RAB27B: variants seen among roughly 807,000 people sequenced by gnomAD.
The protein encoded by RAB27B is RAB27B, member RAS oncogene family.
RAB27B carries 15 observed loss-of-function variants against 24.6 expected under a neutral mutation model. The observed-to-expected ratio is 0.61, with a 90% CI of 0.41 to 0.94. The LOEUF (loss-of-function observed/expected upper bound fraction) is 0.94, where lower values mean the gene tolerates loss of function less well. Ranked by LOEUF, RAB27B falls within the 40% of genes least tolerant of loss-of-function variation. The probability of loss-of-function intolerance (pLI) is 0.00; values close to 1 mark genes in which losing one functional copy is unlikely to be tolerated. For synonymous variants in RAB27B, 105 were observed against 92.5 expected (o/e 1.14, Z -0.78); for missense variants, 261 against 266.8 (o/e 0.98, Z 0.15).
chr18:54,718,788 TG>T (rs1394433572), intron 2 of RAB27B, among the ~76,000 whole-genome samples: 1 of 152,228 alleles, frequency 6.6e-6, no homozygotes, highest in African/African-American at 2.4e-5. Flanking sequence ...CAAATGATTA[TG>T]ATTTTATGGG....
At chr18:54,863,739 G>A (rs1912099256) in intron 1 of RAB27B, among the ~76,000 whole-genome samples, 1 of 152,108 alleles carries the variant, frequency 6.6e-6, no homozygotes, top group African/African-American at 2.4e-5. Context: ...TCTATTCTGG[G>A]TATTTCATAT....
chr18:54,888,168 C>T (rs747210126), intron 5 of RAB27B, 50 bp downstream of exon 5: 3 of 1,583,778 alleles, frequency 1.9e-6, no homozygotes, highest in Non-Finnish European at 2.6e-6. Flanking sequence ...TGCTGTTCAG[C>T]AAATGGAGCA....
intron 2 of RAB27B, among the ~76,000 whole-genome samples, chr18:54,766,116 A>G (rs1598888355): frequency 6.6e-6 from 1 of 152,194 alleles, no homozygotes; most frequent in South Asian, 2.1e-4. Context: ...CCTGGAGTTC[A>G]GTCTTAGATT....
intron 1 of RAB27B, among the ~76,000 whole-genome samples, chr18:54,856,756 A>G (rs1911799844): frequency 6.6e-6 from 1 of 152,212 alleles, no homozygotes; most frequent in African/African-American, 2.4e-5. Context: ...TGTAATCTTC[A>G]CAATAAACTC....
intron 2 of RAB27B, among the ~76,000 whole-genome samples, chr18:54,779,976 G>A (rs531641178): frequency 1.4e-5 from 2 of 144,404 alleles, no homozygotes; most frequent in South Asian, 4.4e-4. Context: ...TCCTCACCGT[G>A]TCTCCCCTCT....
intron 2 of RAB27B, among the ~76,000 whole-genome samples, chr18:54,801,992 A>G (rs892337650): frequency 5.9e-5 from 9 of 152,218 alleles, no homozygotes; most frequent in African/African-American, 1.9e-4. Context: ...TGCAGAATAC[A>G]TAGGCCAGAA....
chr18:54,724,200 T>A (rs1210975269), intron 2 of RAB27B, among the ~76,000 whole-genome samples: 1 of 151,618 alleles, frequency 6.6e-6, no homozygotes, highest in Non-Finnish European at 1.5e-5. Context: ...ATTTTAAAAA[T>A]TTTAGAAGCA....
intron 2 of RAB27B, among the ~76,000 whole-genome samples, chr18:54,743,034 CAG>C (rs1910115878): frequency 6.6e-6 from 1 of 152,186 alleles, no homozygotes; most frequent in Non-Finnish European, 1.5e-5. Context: ...TAGATAGAAA[CAG>C]AGAAGATCAC....
At chr18:54,811,516 C>T (rs764125055) in intron 2 of RAB27B, among the ~76,000 whole-genome samples, 1 of 151,994 alleles carries the variant, frequency 6.6e-6, no homozygotes, top group Non-Finnish European at 1.5e-5. Context: ...ACAATTTACA[C>T]GAGAGGAGGA....
At chr18:54,750,349 T>A (rs1280811872) in intron 2 of RAB27B, among the ~76,000 whole-genome samples, 1 of 152,192 alleles carries the variant, frequency 6.6e-6, no homozygotes, top group African/African-American at 2.4e-5. Flanking sequence ...ACATTACAAA[T>A]TTTACTTGAA....
At chr18:54,772,563 T>A (rs1318430185) in intron 2 of RAB27B, among the ~76,000 whole-genome samples, 2 of 152,208 alleles carry the variant, frequency 1.3e-5, no homozygotes, top group Non-Finnish European at 2.9e-5. Context: ...GCAGCCAAAT[T>A]TCAAATAGAC....
At chr18:54,783,569 CTT>C (rs1309511600) in intron 2 of RAB27B, among the ~76,000 whole-genome samples, 1 of 151,822 alleles carries the variant, frequency 6.6e-6, no homozygotes, top group African/African-American at 2.4e-5. Context: ...ATGTCAGTCT[CTT>C]AAAGTTTTAA....
At chr18:54,862,042 C>G (rs181838311) in intron 1 of RAB27B, among the ~76,000 whole-genome samples, 1 of 107,884 alleles carries the variant, frequency 9.3e-6, no homozygotes, top group Non-Finnish European at 2.0e-5. Context: ...CAGAAAGGAT[C>G]TAGGAAAGCA....
intron 1 of RAB27B, among the ~76,000 whole-genome samples, chr18:54,855,975 A>G (rs1911769115): frequency 6.6e-6 from 1 of 152,248 alleles, no homozygotes. Flanking sequence ...TTTGTTGAAC[A>G]CTTATTTTGA....
At chr18:54,741,953 A>C (rs1910086321) in intron 2 of RAB27B, among the ~76,000 whole-genome samples, 1 of 152,204 alleles carries the variant, frequency 6.6e-6, no homozygotes, top group Non-Finnish European at 1.5e-5. Context: ...AGCTCTGAGG[A>C]TTCTGACATT....
Position 54,759,116 on chromosome 18 carries a change from G to A in RAB27B, c.-20+40975G>A, listed in dbSNP as rs59402601. Among the ~76,000 whole-genome samples the A allele has an allele frequency of 4.6e-3, 698 of 152,254 alleles. 7 individuals are homozygous for A. Among genetic ancestry groups the A allele is most frequent in the African/African-American group, 0.016 (663 of 41,560 alleles). ...ATAAGCACATGTTGAATCACTACTA[G>A]TGTCAAGAAATACAGCCTGCAAAGT... On this transcript the variant is annotated intron_variant, in intron 2 of 4. Coordinates refer to the RAB27B transcript ENST00000586570.
intron 2 of RAB27B, among the ~76,000 whole-genome samples, chr18:54,724,020 C>T (rs1287188636): frequency 7.0e-6 from 1 of 143,808 alleles, no homozygotes; most frequent in Admixed American, 6.9e-5. Context: ...AATGTGTGCT[C>T]TTTAGGGAAC....
intron 1 of RAB27B, among the ~76,000 whole-genome samples, chr18:54,858,862 T>A (rs1911896103): frequency 6.6e-6 from 1 of 152,198 alleles, no homozygotes; most frequent in Non-Finnish European, 1.5e-5. Context: ...CTCAAGAATT[T>A]GAGACTGGAC....
chr18:54,793,710 A>G (rs1598908629), intron 2 of RAB27B, among the ~76,000 whole-genome samples: 1 of 152,214 alleles, frequency 6.6e-6, no homozygotes, highest in East Asian at 1.9e-4. Context: ...GATTTGTAAT[A>G]AATTCAGAAC....
Sources: gnomAD v4.1 joint callset for allele counts (sites outside exome capture counted in the v4.1 genomes callset) on GRCh38, gnomAD v4.1.1 for gene constraint, MANE v1.5 for transcripts, NCBI Gene and HGNC (gene_info 2026-07-23, HGNC 2026-07-21) for gene names.